The following CEBPZOS variants were observed in gnomAD, a reference collection of about 807,000 sequenced individuals.
CEBPZOS encodes protein CEBPZOS.
A neutral mutation model predicts 4.8 loss-of-function variants in CEBPZOS; 10 were observed. The observed-to-expected ratio is 2.07, with a 90% confidence interval of 1.28 to 3.52. CEBPZOS has a LOEUF of 3.52. Ranked by LOEUF, CEBPZOS falls within the 30% of genes most tolerant of loss-of-function variation. CEBPZOS has a pLI of 0.00. For missense variants in CEBPZOS, 98 were observed against 43.6 expected (o/e 2.25, Z -3.51); for synonymous variants, 25 against 14.2 (o/e 1.77, Z -1.72).
chr2:37,212,971 C>T (rs906938777), intron 4 of CEBPZOS, among the ~76,000 whole-genome samples: 5 of 151,414 alleles, frequency 3.3e-5, no homozygotes, highest in African/African-American at 1.2e-4. Context: ...CCCAGAAGGT[C>T]TAGGCTGCAG....
At chr2:37,210,989 A>G in intron 4 of CEBPZOS, 1 of 1,592,636 alleles carries the variant, frequency 6.3e-7, no homozygotes, top group East Asian at 2.2e-5. Flanking sequence ...TATTAAATGT[A>G]TTTTCTTACC....
chr2:37,210,825 G>A (rs368660742), intron 4 of CEBPZOS: 1 of 485,646 alleles, frequency 2.1e-6, no homozygotes, highest in African/African-American at 2.0e-5. Flanking sequence ...ATATCTGAAT[G>A]CGAGAAACAA....
At chr2:37,205,162 T>C (rs1197157434), downstream of CEBPZOS, among the ~76,000 whole-genome samples, 2 of 152,208 alleles carry the variant, frequency 1.3e-5, no homozygotes, top group Non-Finnish European at 2.9e-5. Flanking sequence ...TTGAAAGAGC[T>C]GATAAAATTT....
chr2:37,203,863 TGTA>T lies in CEBPZOS; in HGVS notation c.*2007_*2009del, dbSNP rs1677409096. The T allele has an allele frequency of 1.3e-5, 2 of 152,218 alleles. No homozygotes were observed. Among genetic ancestry groups the T allele is most frequent in the African/African-American group, 4.8e-5 (2 of 41,462 alleles). The allele number at this position is 152,218 out of a possible 1,614,324, so 9.4% of individuals were successfully genotyped here. A position where few individuals can be genotyped will look rare whatever the true frequency, so the allele number is the denominator to read the frequency against. ...TAACGTTTTTGAGGCTCATCCATGT[TGTA>T]GTACTCCATGCCATGTTGTGGGCTA... On this transcript the variant is annotated 3_prime_UTR_variant, in exon 5 of 5. Coordinates refer to ENST00000402297, the MANE Select transcript of CEBPZOS (RefSeq NM_001322374.2).
At chr2:37,213,212 T>C (rs10779921) in intron 4 of CEBPZOS, among the ~76,000 whole-genome samples, 95,825 of 152,020 alleles carry the variant, frequency 0.63, 30,796 homozygotes, top group East Asian at 0.97. Flanking sequence ...CAGTAGACTA[T>C]TGCTATCAAT....
At chr2:37,200,737 C>T (rs1347349758) in intron 2 of CEBPZOS, among the ~76,000 whole-genome samples, 1 of 152,044 alleles carries the variant, frequency 6.6e-6, no homozygotes, top group Non-Finnish European at 1.5e-5. Flanking sequence ...GTAGGAGGCT[C>T]CCCTGAGCCC....
chr2:37,202,452 C>T lies in CEBPZOS; in HGVS notation c.*592C>T, dbSNP rs935409671. 8 of 182,590 alleles carry T rather than the reference C, an allele frequency of 4.4e-5. No individual in the cohort carries two copies. Among genetic ancestry groups the T allele is most frequent in the Non-Finnish European group, 9.2e-5 (8 of 87,084 alleles). The allele number at this position is 182,590 out of a possible 1,614,324, so 11.3% of individuals were successfully genotyped here. The stretch of plus-strand genomic sequence containing the variant: ...TTGAGGTCAGGAGTTCGAGACCAGC[C>T]TGGCCAACATGGTGAAACCCTGTTT... On this transcript the variant is annotated 3_prime_UTR_variant, in exon 5 of 5. Transcript: ENST00000402297.
chr2:37,200,986 G>T, intron 2 of CEBPZOS, 62 bp from the exon 3 acceptor site: 1 of 703,024 alleles, frequency 1.4e-6, no homozygotes, highest in South Asian at 1.6e-5. Flanking sequence ...TTAAATTGTG[G>T]CTGTGTTAAT....
intron 4 of CEBPZOS, chr2:37,212,638 T>C (rs1677759881): frequency 1.9e-6 from 1 of 513,592 alleles, no homozygotes; most frequent in African/African-American, 1.9e-5. Context: ...ACAGTTCTTT[T>C]ATGGAAAGAG....
At chr2:37,215,013 C>G, downstream of CEBPZOS, 1 of 1,079,566 alleles carries the variant, frequency 9.3e-7, no homozygotes, top group Non-Finnish European at 1.4e-6. Flanking sequence ...GTTACTCAAG[C>G]TCTTAAGACA....
chr2:37,203,189 A>G lies in CEBPZOS; in HGVS notation c.*1329A>G, dbSNP rs968173891. 76 of 436,094 alleles carry G rather than the reference A, an allele frequency of 1.7e-4. No individual in the cohort carries two copies. The highest frequency in any genetic ancestry group is 2.7e-4 in the Non-Finnish European group (67 of 245,406). 27.0% of individuals were successfully genotyped at this position (436,094 alleles called of 1,614,324 possible). A position where few individuals can be genotyped will look rare whatever the true frequency, so the allele number is the denominator to read the frequency against. ...TAAGAGTTAGTATATAATATTTTCAAAAAGCTAACAACATCCTAATAGAAC... is the reference window on the plus strand; with the variant it reads ...TAAGAGTTAGTATATAATATTTTCAGAAAGCTAACAACATCCTAATAGAAC... On this transcript the variant is annotated 3_prime_UTR_variant, in exon 5 of 5. Coordinates refer to ENST00000402297, the MANE Select transcript of CEBPZOS (RefSeq NM_001322374.2).
intron 1 of CEBPZOS, chr2:37,198,792 T>C (rs1178922092): frequency 6.6e-6 from 1 of 152,226 alleles, no homozygotes; most frequent in African/African-American, 2.4e-5. Flanking sequence ...GTCTGTAGTT[T>C]TGCCACTTAA....
chr2:37,201,109 GTAAAAA>G lies in CEBPZOS; in HGVS notation c.160+21_160+26del, dbSNP rs1293902853. 8.4e-6 allele frequency: 6 copies of G among 712,034 alleles called. No homozygotes were observed. Among genetic ancestry groups the G allele is most frequent in the Non-Finnish European group, 1.6e-5 (6 of 383,426 alleles). The allele number at this position is 712,034 out of a possible 1,614,324, so 44.1% of individuals were successfully genotyped here. ...TCTTGGAAGGTATGTTTTTCCTTAA[GTAAAAA>G]TAAGTATAAAACAACTTCTTCAGGT... On this transcript the variant is annotated intron_variant, in intron 3 of 4. Coordinates refer to ENST00000402297, the MANE Select transcript of CEBPZOS (RefSeq NM_001322374.2).
downstream of CEBPZOS, among the ~76,000 whole-genome samples, chr2:37,205,761 C>G (rs1001876418): frequency 4.6e-5 from 7 of 152,188 alleles, no homozygotes; most frequent in African/African-American, 1.4e-4. Context: ...ACATTTTTAT[C>G]AAAAATCTTA....
chr2:37,202,906 T>C lies in CEBPZOS; in HGVS notation c.*1046T>C. ...GATAAATTTATTAGAAAACTAAAAA[T>C]AATGTAGAATAGCTAGCTTGTTAAA... is the stretch of plus-strand genomic sequence containing the variant. On this transcript the variant is annotated 3_prime_UTR_variant, in exon 5 of 5. Coordinates refer to ENST00000402297, the MANE Select transcript of CEBPZOS (RefSeq NM_001322374.2). 2 of 1,593,224 alleles carry C rather than the reference T, an allele frequency of 1.3e-6. No homozygotes were observed. Among genetic ancestry groups the C allele is most frequent in the South Asian group, 1.1e-5 (1 of 87,874 alleles).
Position 37,204,306 on chromosome 2 carries a change from T to C in CEBPZOS, c.*2446T>C, listed in dbSNP as rs1677443006. 7.2e-6 allele frequency: 1 copy of C among 139,824 alleles called. No individual in the cohort carries two copies. The highest frequency in any genetic ancestry group is 2.7e-5 in the African/African-American group (1 of 37,142). 8.7% of individuals were successfully genotyped at this position (139,824 alleles called of 1,614,324 possible). ...TTTTTTTTTTTTTTTTGAGACAGAG[T>C]CTCGCTTTGTCGCCAGGCTGGAGTA... On this transcript the variant is annotated 3_prime_UTR_variant, in exon 5 of 5. Coordinates refer to ENST00000402297, the MANE Select transcript of CEBPZOS (RefSeq NM_001322374.2).
chr2:37,205,319 C>G, downstream of CEBPZOS, among the ~76,000 whole-genome samples: 1 of 152,110 alleles, frequency 6.6e-6, no homozygotes, highest in Non-Finnish European at 1.5e-5. Flanking sequence ...GATGACATTC[C>G]ACCACAAAAG....
chr2:37,215,841 C>A (rs544130677), downstream of CEBPZOS, among the ~76,000 whole-genome samples: 1 of 150,872 alleles, frequency 6.6e-6, no homozygotes, highest in Non-Finnish European at 1.5e-5. Flanking sequence ...GATGAAGCTA[C>A]GGATGATAAA....
downstream of CEBPZOS, chr2:37,216,132 A>C: frequency 6.2e-7 from 1 of 1,600,080 alleles, no homozygotes; most frequent in Non-Finnish European, 8.6e-7. Context: ...TCTAAGGTTT[A>C]TACTTACCAG....
Sources: allele counts gnomAD v4.1 joint callset (sites outside exome capture counted in the v4.1 genomes callset), GRCh38; gene constraint gnomAD v4.1.1; transcripts MANE v1.5; gene names NCBI Gene and HGNC (gene_info 2026-07-23, HGNC 2026-07-21).